Variants in TBC1D22A observed in about 807,000 individuals in gnomAD.
The protein encoded by TBC1D22A is TBC1 domain family member 22A, also known as putative GTPase activator.
In TBC1D22A, 38 loss-of-function variants were observed where a neutral mutation model predicts 60.2. That is an observed-to-expected ratio of 0.63 (90% confidence interval 0.49 to 0.83). The LOEUF (loss-of-function observed/expected upper bound fraction) is 0.83, where lower values mean the gene tolerates loss of function less well. TBC1D22A is among the 40% of genes least tolerant of loss of function. The pLI is 0.00. For synonymous variants in TBC1D22A, 302 were observed against 281.7 expected (o/e 1.07, Z -0.72); for missense variants, 628 against 701.0 (o/e 0.90, Z 1.18).
chr22:46,806,729 G>A (rs1308738657), intron 4 of TBC1D22A, among the ~76,000 whole-genome samples: 1 of 152,232 alleles, frequency 6.6e-6, no homozygotes, highest in Non-Finnish European at 1.5e-5. Context: ...CTCTGGGTAT[G>A]ATGGTGAGTT....
intron 8 of TBC1D22A, among the ~76,000 whole-genome samples, chr22:46,934,540 A>G (rs971480141): frequency 6.6e-6 from 1 of 152,196 alleles, no homozygotes; most frequent in Non-Finnish European, 1.5e-5. Context: ...CCATCCCCCA[A>G]ATCGTCTATA....
chr22:46,812,795 G>C (rs1357666789), intron 4 of TBC1D22A, among the ~76,000 whole-genome samples: 2 of 152,212 alleles, frequency 1.3e-5, no homozygotes, highest in African/African-American at 4.8e-5. Flanking sequence ...CAGTTGACAA[G>C]AAAACGTTTC....
intron 8 of TBC1D22A, among the ~76,000 whole-genome samples, chr22:46,940,081 A>G: frequency 6.6e-6 from 1 of 152,262 alleles, no homozygotes; most frequent in East Asian, 1.9e-4. Context: ...CCCAGTCCAT[A>G]TAAAAGTTAT....
Position 47,080,861 on chromosome 22 carries a change from G to T in TBC1D22A, c.1330-30647G>T, listed in dbSNP as rs554465798. The stretch of plus-strand genomic sequence containing the variant: ...ATCTTGGCCGGGCATGGTGGCTCAC[G>T]CCTGTAATCCCAGCACTTTGGGAGG... On this transcript the variant is annotated intron_variant, in intron 11 of 12. Coordinates refer to ENST00000337137, the MANE Select transcript of TBC1D22A (RefSeq NM_014346.5). Among the ~76,000 whole-genome samples, 25 of 152,166 alleles carry T rather than the reference G, an allele frequency of 1.6e-4. No homozygotes were observed. In the South Asian group the frequency reaches 5.0e-3, roughly 30 times the overall value.
intron 12 of TBC1D22A, among the ~76,000 whole-genome samples, chr22:47,171,780 C>G (rs532143024): frequency 2.0e-5 from 3 of 152,204 alleles, no homozygotes; most frequent in African/African-American, 4.8e-5. Flanking sequence ...TGTGCTTTTC[C>G]TTCCCCGTTG....
chr22:46,827,020 G>A (rs2086099004), intron 4 of TBC1D22A, among the ~76,000 whole-genome samples: 1 of 151,696 alleles, frequency 6.6e-6, no homozygotes, highest in Non-Finnish European at 1.5e-5. Context: ...GCCATCAACA[G>A]AGACTCTTTC....
At chr22:47,077,320 A>G (rs16996312) in intron 11 of TBC1D22A, among the ~76,000 whole-genome samples, 3,634 of 152,054 alleles carry the variant, frequency 0.024, 144 homozygotes, top group African/African-American at 0.084. Flanking sequence ...ACTCTTTCTG[A>G]TGACTCAGTC....
At chr22:46,847,870 A>T (rs1395079402) in intron 4 of TBC1D22A, among the ~76,000 whole-genome samples, 5 of 152,180 alleles carry the variant, frequency 3.3e-5, no homozygotes, top group African/African-American at 1.2e-4. Context: ...AAACATGTAG[A>T]GGACCAGTTC....
intron 6 of TBC1D22A, among the ~76,000 whole-genome samples, chr22:46,893,312 T>C (rs1008575446): frequency 1.3e-5 from 2 of 152,208 alleles, no homozygotes; most frequent in African/African-American, 4.8e-5. Flanking sequence ...GTGGCCTTTT[T>C]CTGATTTGCC....
At chr22:46,939,751 G>C (rs950791877) in intron 8 of TBC1D22A, among the ~76,000 whole-genome samples, 1 of 152,204 alleles carries the variant, frequency 6.6e-6, no homozygotes, top group Non-Finnish European at 1.5e-5. Context: ...GAAATGACTA[G>C]AAGTAACGAG....
At chr22:46,920,222 G>A (rs1249381350) in intron 8 of TBC1D22A, among the ~76,000 whole-genome samples, 1 of 152,114 alleles carries the variant, frequency 6.6e-6, no homozygotes, top group Non-Finnish European at 1.5e-5. Context: ...TGGGACTACA[G>A]GCATGCACCA....
chr22:46,909,776 G>T (rs1037171902), intron 7 of TBC1D22A, among the ~76,000 whole-genome samples: 1 of 152,046 alleles, frequency 6.6e-6, no homozygotes, highest in Non-Finnish European at 1.5e-5. Context: ...AGCTGGACCC[G>T]TGCCCCGTGC....
intron 8 of TBC1D22A, among the ~76,000 whole-genome samples, chr22:46,962,566 C>A (rs969036446): frequency 6.6e-6 from 1 of 152,260 alleles, no homozygotes; most frequent in South Asian, 2.1e-4. Context: ...CTTACTGGGG[C>A]ATTCTTTGTA....
At chr22:47,044,500 C>CA (rs1168884461) in intron 11 of TBC1D22A, among the ~76,000 whole-genome samples, 1 of 152,206 alleles carries the variant, frequency 6.6e-6, no homozygotes, top group East Asian at 1.9e-4. Flanking sequence ...TCCCAGGTGC[C>CA]ACAGCATGGA....
chr22:46,900,416 C>T (rs1051627703), intron 7 of TBC1D22A, among the ~76,000 whole-genome samples: 11 of 152,190 alleles, frequency 7.2e-5, no homozygotes, highest in Non-Finnish European at 1.5e-4. Context: ...TCCCAAGGTG[C>T]TGGGATTACA....
rs992183428 is a variant in TBC1D22A, at chr22:47,175,004, G to A, written c.*1378G>A. The A allele has an allele frequency of 6.6e-6, 1 of 152,332 alleles. No individual in the cohort carries two copies. Among genetic ancestry groups the A allele is most frequent in the African/African-American group, 2.4e-5 (1 of 41,430 alleles). 9.4% of individuals were successfully genotyped at this position (152,332 alleles called of 1,614,324 possible). A position where few individuals can be genotyped will look rare whatever the true frequency, so the allele number is the denominator to read the frequency against. The stretch of plus-strand genomic sequence containing the variant: ...CCCAGGACAGGCTCACGTCCTCAGC[G>A]ACCCACTGGTGACTGACTTCCCAGA... On this transcript the variant is annotated 3_prime_UTR_variant, in exon 13 of 13. Transcript: ENST00000337137.
intron 5 of TBC1D22A, among the ~76,000 whole-genome samples, chr22:46,889,389 G>C (rs1348712591): frequency 6.6e-6 from 1 of 152,234 alleles, no homozygotes; most frequent in African/African-American, 2.4e-5. Context: ...AGGCTGTGTA[G>C]CATCTGGAAT....
chr22:47,124,130 C>G (rs2066368263), intron 12 of TBC1D22A, among the ~76,000 whole-genome samples: 1 of 152,110 alleles, frequency 6.6e-6, no homozygotes, highest in Non-Finnish European at 1.5e-5. Flanking sequence ...GAAGGGGACT[C>G]TTGGGTCAGC....
intron 4 of TBC1D22A, among the ~76,000 whole-genome samples, chr22:46,807,064 G>T (rs1037720738): frequency 6.6e-6 from 1 of 152,238 alleles, no homozygotes; most frequent in East Asian, 1.9e-4. Context: ...CTGCTCAACC[G>T]CAGATTCTAC....
Sources: gnomAD v4.1 joint callset for allele counts (sites outside exome capture counted in the v4.1 genomes callset) on GRCh38, gnomAD v4.1.1 for gene constraint, MANE v1.5 for transcripts, NCBI Gene and HGNC (gene_info 2026-07-23, HGNC 2026-07-21) for gene names.